Variants in GPATCH11 observed in about 807,000 individuals in gnomAD.
GPATCH11 encodes G patch domain-containing protein 11.
In GPATCH11, 32 loss-of-function variants were observed where a neutral mutation model predicts 44.8. The observed-to-expected ratio is 0.71, with a 90% confidence interval of 0.54 to 0.96. The LOEUF (loss-of-function observed/expected upper bound fraction) is 0.96, where lower values mean the gene tolerates loss of function less well. Among genes scored for constraint, GPATCH11 ranks in the 40% least tolerant of loss-of-function variants. The probability of loss-of-function intolerance (pLI) is 0.00; values close to 1 mark genes in which losing one functional copy is unlikely to be tolerated. For synonymous variants in GPATCH11, 84 were observed against 94.4 expected (o/e 0.89, Z 0.64); for missense variants, 324 against 303.1 (o/e 1.07, Z -0.51).
chr2:37,088,325 T>G (rs1242545567), intron 1 of GPATCH11, 44 bp from the exon 2 acceptor site: 1 of 970,526 alleles, frequency 1.0e-6, no homozygotes, highest in Non-Finnish European at 1.5e-6. Flanking sequence ...TTTATTTCCA[T>G]TCTGATAAAC....
chr2:37,094,231 A>G, intron 7 of GPATCH11, 36 bp downstream of exon 7: 1 of 1,299,840 alleles, frequency 7.7e-7, no homozygotes, highest in Non-Finnish European at 1.1e-6. Context: ...AGGGTGTCTC[A>G]GCCTTGGCAA....
rs1490146483 is a variant in GPATCH11, at chr2:37,089,809, G to C, written c.229G>C (p.Gly77Arg). The C allele has an allele frequency of 6.4e-7, 1 of 1,551,728 alleles. No homozygotes were observed. The highest frequency in any genetic ancestry group is 8.7e-7 in the Non-Finnish European group (1 of 1,147,026). The change falls in exon 3 of 9, where the codon GGG (glycine) becomes CGG (arginine). Residue 77 changes from glycine to arginine, a missense_variant. By Grantham distance (125) the Gly-to-Arg change is moderately radical. Transcript: ENST00000674370. The stretch of plus-strand genomic sequence containing the variant: ...GAATGCACTAGGCTGTGAAAACAAA[G>C]GGTTTGCCTTGCTCCAAAAGATGGG... ...LKNALGCENK[G>R]FALLQKMGYK...
At chr2:37,089,523 T>C in intron 2 of GPATCH11, 117 bp from the exon 3 acceptor site, 1 of 737,938 alleles carries the variant, frequency 1.4e-6, no homozygotes, top group Non-Finnish European at 2.2e-6. Flanking sequence ...GCCAAGATTA[T>C]GCCATTGCAT....
rs1572981402 is a variant in GPATCH11, at chr2:37,092,224, A to G, written c.509A>G (p.Gln170Arg). The change falls in exon 6 of 9, where the codon CAG (glutamine) becomes CGG (arginine). Residue 170 changes from glutamine to arginine, a missense_variant. Gln to Arg is a conservative substitution (Grantham distance 43). Coordinates refer to ENST00000674370, the MANE Select transcript of GPATCH11 (RefSeq NM_174931.4). ...CTAGAAGGAGATCTCAGAAGAAGCC[A>G]GCGAGCCTGTCAACAACTGGATGTC... ...MKLEGDLRRS[Q>R]RACQQLDVQK... The G allele has an allele frequency of 6.5e-7, 1 of 1,531,668 alleles. No individual in the cohort carries two copies. The allele number at this position is 1,531,668 out of a possible 1,614,324, so 94.9% of individuals were successfully genotyped here.
At chr2:37,085,320 A>C (rs538577504) in intron 1 of GPATCH11, among the ~76,000 whole-genome samples, 1 of 152,312 alleles carries the variant, frequency 6.6e-6, no homozygotes, top group East Asian at 1.9e-4. Flanking sequence ...AATTTCTCCA[A>C]CAGGAAAAAC....
intron 1 of GPATCH11, among the ~76,000 whole-genome samples, chr2:37,085,473 C>T (rs1445460848): frequency 6.6e-6 from 1 of 152,086 alleles, no homozygotes; most frequent in Non-Finnish European, 1.5e-5. Context: ...GGTGAATTAC[C>T]ATAAATGCTG....
At position 37,096,536 on chromosome 2, in the gene GPATCH11, T is replaced by C; in HGVS notation, c.*273T>C. 1 of 329,810 alleles carries C rather than the reference T, an allele frequency of 3.0e-6. No homozygotes were observed. 20.4% of individuals were successfully genotyped at this position (329,810 alleles called of 1,614,324 possible). A position where few individuals can be genotyped will look rare whatever the true frequency, so the allele number is the denominator to read the frequency against. On this transcript the variant is annotated 3_prime_UTR_variant, in exon 9 of 9. Coordinates refer to ENST00000674370, the MANE Select transcript of GPATCH11 (RefSeq NM_174931.4). ...GGGTTTAAGGACACCAACAGGTAACTTCTTATTCCCCTCTTCACTTTGGAA... is the reference window on the plus strand; with the variant it reads ...GGGTTTAAGGACACCAACAGGTAACCTCTTATTCCCCTCTTCACTTTGGAA...
chr2:37,089,859 C>T lies in GPATCH11; in HGVS notation c.279C>T (p.Gly93=), dbSNP rs974998598. 1.9e-6 allele frequency: 3 copies of T among 1,549,316 alleles called. No homozygotes were observed. The Admixed American group carries it at 5.9e-5, about 30-fold the overall frequency. The change falls in exon 3 of 9, where the codon GGC becomes GGT. Residue 93 remains glycine, a synonymous_variant. Coordinates refer to ENST00000674370, the MANE Select transcript of GPATCH11 (RefSeq NM_174931.4). ...KMGYKSGQAL[G]KSGGGIVEPI... ...GCTATAAAAGTGGTCAGGCACTTGGCAAGAGTGGTAAGTCACATGTGGAAA... is the reference window on the plus strand; with the variant it reads ...GCTATAAAAGTGGTCAGGCACTTGGTAAGAGTGGTAAGTCACATGTGGAAA...
intron 1 of GPATCH11, among the ~76,000 whole-genome samples, chr2:37,087,691 T>A (rs1673115175): frequency 6.6e-6 from 1 of 151,874 alleles, no homozygotes; most frequent in Non-Finnish European, 1.5e-5. Context: ...TCAGGAGAGG[T>A]TTCTGAAGGG....
rs1214882360 is a variant in GPATCH11 at position 37,084,632 on chromosome 2, G to T, written c.-14+62G>T. 5 of 1,197,998 alleles carry T rather than the reference G, an allele frequency of 4.2e-6. No homozygotes were observed. The African/African-American group carries it at 6.3e-5, about 15-fold the overall frequency. The allele number at this position is 1,197,998 out of a possible 1,614,324, so 74.2% of individuals were successfully genotyped here. ...GGTAGAATGATAAAAGGCAGAGTGC[G>T]CTGGCCATGACTACCGTATCACACC... On this transcript the variant is annotated intron_variant, in intron 1 of 8. Transcript: ENST00000674370.
rs1163222339 is a variant in GPATCH11, at chr2:37,090,698, C to A, written c.304C>A (p.Pro102Thr). ...TCTTTAAGGGGGTGGTATTGTTGAA[C>A]CAATTCCTCTCAATATCAAAACAGG... ...LGKSGGGIVE[P>T]IPLNIKTGKS... Residue 102 changes from proline (P) to threonine (T), a missense_variant, in exon 4 of 9, where the codon CCA becomes ACA. Pro to Thr is a conservative substitution (Grantham distance 38). Transcript: ENST00000674370. 2 of 1,471,660 alleles carry A rather than the reference C, an allele frequency of 1.4e-6. No individual in the cohort carries two copies. Among genetic ancestry groups the A allele is most frequent in the Non-Finnish European group, 1.8e-6 (2 of 1,082,332 alleles). The allele number at this position is 1,471,660 out of a possible 1,614,324, so 91.2% of individuals were successfully genotyped here.
intron 4 of GPATCH11, 24 bp from the exon 5 acceptor site, chr2:37,091,892 C>A (rs1673337736): frequency 6.2e-7 from 1 of 1,600,866 alleles, no homozygotes; most frequent in South Asian, 1.1e-5. Flanking sequence ...GGATGTTTCT[C>A]ATCAGAATTT....
chr2:37,095,392 G>C lies in GPATCH11; in HGVS notation c.655-45G>C. 1.9e-6 allele frequency: 3 copies of C among 1,566,140 alleles called. No homozygotes were observed. In the South Asian group the frequency reaches 3.6e-5, roughly 19 times the overall value. Reference sequence around the variant, plus strand: ...ACGATCTAAGAGCCAGAAAACCAAGGTTCTGTTCAATGTAAAGTATTAATA... The same window carrying C: ...ACGATCTAAGAGCCAGAAAACCAAGCTTCTGTTCAATGTAAAGTATTAATA... On this transcript the variant is annotated intron_variant, in intron 7 of 8. Coordinates refer to ENST00000674370, the MANE Select transcript of GPATCH11 (RefSeq NM_174931.4).
At position 37,087,651 on chromosome 2, in the gene GPATCH11, T is replaced by TA. The variant is rs1673112380; in HGVS notation, c.-13-715dup. 2.6e-5 allele frequency among the ~76,000 whole-genome samples: 4 copies of TA among 151,986 alleles called. No homozygotes were observed. The South Asian group carries it at 8.3e-4, about 31-fold the overall frequency. On this transcript the variant is annotated intron_variant, in intron 1 of 8. Transcript: ENST00000674370. ...AACTTCCAAATGAGCAGCTTGGACA[T>TA]AAAGTGCTGTAGAGAAAGGCCTGGA...
At chr2:37,089,897 C>A in intron 3 of GPATCH11, 31 bp downstream of exon 3, 1 of 1,412,172 alleles carries the variant, frequency 7.1e-7, no homozygotes, top group Non-Finnish European at 9.8e-7. Flanking sequence ...AACAGGTATT[C>A]CTTACCACCT....
Position 37,087,917 on chromosome 2 carries a change from T to C in GPATCH11, c.-13-452T>C, listed in dbSNP as rs1175763538. On this transcript the variant is annotated intron_variant, in intron 1 of 8. Coordinates refer to ENST00000674370, the MANE Select transcript of GPATCH11 (RefSeq NM_174931.4). ...GCTAGTAACGTGACCTGACTTGTAT[T>C]TAAAAACAAACAAGCAAATAAACAA... Among the ~76,000 whole-genome samples, 3 of 152,160 alleles carry C rather than the reference T, an allele frequency of 2.0e-5. No individual in the cohort carries two copies. The East Asian group carries it at 5.8e-4, about 29-fold the overall frequency.
chr2:37,084,557 C>CAGAGAGCTGTCAGGTA lies in GPATCH11; in HGVS notation c.-14+6_-14+21dup. 2,825 of 1,232,406 alleles carry CAGAGAGCTGTCAGGTA rather than the reference C, an allele frequency of 2.3e-3. 49 individuals are homozygous for CAGAGAGCTGTCAGGTA. In the African/African-American group the frequency reaches 0.036, roughly 16 times the overall value. 76.3% of individuals were successfully genotyped at this position (1,232,406 alleles called of 1,614,324 possible). ...CTCTACGGCGCTGAACCGGGGCGAG[C>CAGAGAGCTGTCAGGTA]AGAGAGCTGTCAGGTAAGAGAGCTG... On this transcript the variant is annotated 5_prime_UTR_variant, in exon 1 of 9. It introduces an in-frame stop codon into an upstream open reading frame of the 5' UTR. Transcript: ENST00000674370.
rs375310930 is a variant in GPATCH11, at chr2:37,096,264, G to C, written c.*1G>C. 54 of 1,568,800 alleles carry C rather than the reference G, an allele frequency of 3.4e-5. No homozygotes were observed. The highest frequency in any genetic ancestry group is 4.3e-5 in the Non-Finnish European group (50 of 1,150,274). On this transcript the variant is annotated 3_prime_UTR_variant, in exon 9 of 9. Coordinates refer to ENST00000674370, the MANE Select transcript of GPATCH11 (RefSeq NM_174931.4). ...ACCAACTTCTGCAGATCATGACTAAGATTATTCCCAATAAAGTGGAAACTT... is the reference window on the plus strand; with the variant it reads ...ACCAACTTCTGCAGATCATGACTAACATTATTCCCAATAAAGTGGAAACTT...
chr2:37,092,992 T>G (rs544187317), intron 6 of GPATCH11, among the ~76,000 whole-genome samples: 1 of 151,718 alleles, frequency 6.6e-6, no homozygotes, highest in East Asian at 1.9e-4. Context: ...CAAAACATCT[T>G]AAAATTAGCT....
Sources: gnomAD v4.1 joint callset for allele counts (sites outside exome capture counted in the v4.1 genomes callset) on GRCh38, gnomAD v4.1.1 for gene constraint, MANE v1.5 for transcripts, NCBI Gene and HGNC (gene_info 2026-07-23, HGNC 2026-07-21) for gene names.